The following KCNIP4 variants were observed in gnomAD, a reference collection of about 807,000 sequenced individuals.
KCNIP4 encodes potassium voltage-gated channel interacting protein 4.
KCNIP4 carries 12 observed loss-of-function variants against 34.0 expected under a neutral mutation model. The ratio of observed to expected loss-of-function variants is 0.35; its 90% CI spans 0.23 to 0.57. KCNIP4 has a LOEUF of 0.57. KCNIP4 is among the 20% of genes least tolerant of loss of function. KCNIP4 has a pLI of 0.83. For missense variants in KCNIP4, 238 were observed against 311.7 expected, an observed-to-expected ratio of 0.76 and a Z score of 1.78; for synonymous variants, 124 against 102.2, an observed-to-expected ratio of 1.21 and a Z score of -1.29.
intron 1 of KCNIP4, among the ~76,000 whole-genome samples, chr4:21,824,646 T>C (rs553920315): frequency 6.6e-4 from 100 of 152,286 alleles, no homozygotes; most frequent in Admixed American, 3.9e-3. Context: ...CCCCAGTCTC[T>C]GAATGTTCAG....
intron 1 of KCNIP4, among the ~76,000 whole-genome samples, chr4:21,210,926 CTT>C (rs1033784199): frequency 7.9e-5 from 12 of 152,042 alleles, no homozygotes; most frequent in African/African-American, 2.7e-4. Flanking sequence ...ATGATGCCCA[CTT>C]ATATATTTTT....
chr4:21,608,007 T>C (rs566143045), intron 1 of KCNIP4, among the ~76,000 whole-genome samples: 42 of 152,278 alleles, frequency 2.8e-4, no homozygotes, highest in Non-Finnish European at 5.4e-4. Context: ...CAGGTTCTAA[T>C]TCAGGCCCGG....
intron 1 of KCNIP4, among the ~76,000 whole-genome samples, chr4:21,868,299 T>C (rs1178388829): frequency 2.0e-5 from 3 of 152,214 alleles, no homozygotes; most frequent in Non-Finnish European, 2.9e-5. Context: ...CCCAAAGTTA[T>C]TTTATCAAGG....
intron 1 of KCNIP4, among the ~76,000 whole-genome samples, chr4:21,271,639 G>T (rs377386946): frequency 6.6e-6 from 1 of 152,080 alleles, no homozygotes; most frequent in African/African-American, 2.4e-5. Context: ...GATGGGAGAG[G>T]TCTTGGCTTC....
chr4:21,921,768 G>T (rs1167702242), intron 1 of KCNIP4, among the ~76,000 whole-genome samples: 1 of 152,082 alleles, frequency 6.6e-6, no homozygotes, highest in Admixed American at 6.5e-5. Context: ...AACACCTCCT[G>T]CCTGGGATAC....
At chr4:21,939,334 G>T (rs900678394) in intron 1 of KCNIP4, among the ~76,000 whole-genome samples, 2 of 152,048 alleles carry the variant, frequency 1.3e-5, no homozygotes, top group African/African-American at 4.8e-5. Context: ...AATTACATCA[G>T]AAGTGTTAGT....
chr4:21,185,207 C>T (rs545456233), intron 1 of KCNIP4, among the ~76,000 whole-genome samples: 51 of 152,126 alleles, frequency 3.4e-4, no homozygotes, highest in Middle Eastern at 3.4e-3. Context: ...CTATGATGAA[C>T]GCTTTCATTT....
chr4:21,171,483 T>C (rs1206913161), intron 1 of KCNIP4, among the ~76,000 whole-genome samples: 2 of 152,180 alleles, frequency 1.3e-5, no homozygotes, highest in African/African-American at 4.8e-5. Context: ...TTGTACTTTA[T>C]AAAATAATTG....
intron 1 of KCNIP4, among the ~76,000 whole-genome samples, chr4:21,757,304 G>A (rs1446922468): frequency 1.3e-5 from 2 of 150,230 alleles, no homozygotes; most frequent in African/African-American, 4.9e-5. Flanking sequence ...GAAAAGAAAA[G>A]AGAAAAGAAA....
intron 1 of KCNIP4, among the ~76,000 whole-genome samples, chr4:21,772,317 T>C (rs2323104): frequency 0.15 from 22,601 of 152,118 alleles, 5,650 homozygotes; most frequent in African/African-American, 0.51. Context: ...CTGCTGGATT[T>C]AGTTTGCCAG....
intron 1 of KCNIP4, among the ~76,000 whole-genome samples, chr4:21,934,673 T>TA (rs1729749995): frequency 6.6e-6 from 1 of 151,884 alleles, no homozygotes; most frequent in Non-Finnish European, 1.5e-5. Context: ...CAGCTCAGAG[T>TA]ACCACGTGCC....
At chr4:20,909,734 G>A (rs1386018605) in intron 1 of KCNIP4, among the ~76,000 whole-genome samples, 1 of 152,114 alleles carries the variant, frequency 6.6e-6, no homozygotes, top group Non-Finnish European at 1.5e-5. Context: ...GGACTGGTGA[G>A]GTGATACAAT....
At chr4:21,713,485 G>T (rs1577887108) in intron 1 of KCNIP4, among the ~76,000 whole-genome samples, 1 of 152,080 alleles carries the variant, frequency 6.6e-6, no homozygotes, top group South Asian at 2.1e-4. Context: ...ATACATAATA[G>T]TTGTATATTT....
intron 1 of KCNIP4, among the ~76,000 whole-genome samples, chr4:21,575,216 G>A (rs1018527341): frequency 1.3e-5 from 2 of 152,118 alleles, no homozygotes; most frequent in Non-Finnish European, 2.9e-5. Flanking sequence ...TAAACTAAGA[G>A]TCACTTGAAA....
intron 1 of KCNIP4, among the ~76,000 whole-genome samples, chr4:21,306,382 T>A (rs1712467121): frequency 6.6e-6 from 1 of 152,204 alleles, no homozygotes; most frequent in Non-Finnish European, 1.5e-5. Flanking sequence ...GACATTCTTT[T>A]TTTTGAGAGA....
In KCNIP4 at chr4:21,433,640, A is replaced by C. The variant is rs375133096; in HGVS notation, c.61+514931T>G. Among the ~76,000 whole-genome samples the C allele has an allele frequency of 1.1e-4, 16 of 152,262 alleles. No homozygotes were observed. In the South Asian group the frequency reaches 2.9e-3, roughly 28 times the overall value. On this transcript the variant is annotated intron_variant, in intron 1 of 8. Transcript: ENST00000382152. ...TTGTGGCTATAGCTGACTGATACAC[A>C]TACTCCTAGGTGTCAGTAATTGGTA... is the stretch of plus-strand genomic sequence containing the variant.
chr4:21,538,033 A>G (rs2108992284), intron 1 of KCNIP4, among the ~76,000 whole-genome samples: 1 of 149,328 alleles, frequency 6.7e-6, no homozygotes, highest in South Asian at 2.2e-4. Flanking sequence ...AAAAAAAAAA[A>G]AAAAAAGACA....
At chr4:21,878,508 C>T (rs1251710717) in intron 1 of KCNIP4, among the ~76,000 whole-genome samples, 2 of 152,206 alleles carry the variant, frequency 1.3e-5, no homozygotes, top group Non-Finnish European at 2.9e-5. Context: ...CTTTCACCTA[C>T]TACCATCACC....
intron 5 of KCNIP4, among the ~76,000 whole-genome samples, chr4:20,738,679 G>A (rs532190890): frequency 3.9e-5 from 6 of 152,314 alleles, no homozygotes; most frequent in African/African-American, 1.4e-4. Flanking sequence ...CATGAGCAAC[G>A]CAGAAGATGG....
Sources: gnomAD v4.1 joint callset for allele counts (sites outside exome capture counted in the v4.1 genomes callset) on GRCh38, gnomAD v4.1.1 for gene constraint, MANE v1.5 for transcripts, NCBI Gene and HGNC (gene_info 2026-07-23, HGNC 2026-07-21) for gene names.